Variants in SMIM14 observed in about 807,000 individuals in gnomAD.
SMIM14 encodes small integral membrane protein 14.
SMIM14 carries 5 observed loss-of-function variants against 12.6 expected under a neutral mutation model. The observed-to-expected ratio is 0.40, with a 90% CI of 0.21 to 0.83. SMIM14 has a LOEUF of 0.83. SMIM14 is among the 40% of genes least tolerant of loss of function. The pLI, the probability that SMIM14 is intolerant of heterozygous loss-of-function variation, is 0.37. For synonymous variants in SMIM14, 30 were observed against 40.1 expected (o/e 0.75, Z 0.95); for missense variants, 86 against 119.1 (o/e 0.72, Z 1.29).
At chr4:39,595,679 G>C (rs961537155) in intron 2 of SMIM14, among the ~76,000 whole-genome samples, 2 of 149,626 alleles carry the variant, frequency 1.3e-5, no homozygotes, top group Non-Finnish European at 2.9e-5. Flanking sequence ...CACAATCTTG[G>C]CTCACTTCAA....
chr4:39,614,320 T>C (rs758845131), intron 1 of SMIM14, among the ~76,000 whole-genome samples: 1 of 151,876 alleles, frequency 6.6e-6, no homozygotes, highest in Non-Finnish European at 1.5e-5. Context: ...GGAGTTCCTA[T>C]GCTACTTTTT....
intron 2 of SMIM14, among the ~76,000 whole-genome samples, chr4:39,595,780 T>G (rs1320625903): frequency 6.6e-6 from 1 of 151,452 alleles, no homozygotes; most frequent in Non-Finnish European, 1.5e-5. Flanking sequence ...GGCTAATTTT[T>G]TTTATTTTCG....
intron 1 of SMIM14, among the ~76,000 whole-genome samples, chr4:39,606,978 G>T (rs1714836881): frequency 6.6e-6 from 1 of 152,112 alleles, no homozygotes; most frequent in Non-Finnish European, 1.5e-5. Flanking sequence ...AAAGATTACT[G>T]AACTTGAAGA....
At chr4:39,606,207 A>C (rs1312412582) in intron 1 of SMIM14, among the ~76,000 whole-genome samples, 2 of 152,034 alleles carry the variant, frequency 1.3e-5, no homozygotes, top group Non-Finnish European at 2.9e-5. Context: ...TTAGCTGGGC[A>C]TGGTGGCACA....
rs144464602 is a variant in SMIM14 at position 39,549,113 on chromosome 4, C to G, written c.*3013G>C. ...AGGAGGCTGAGGAAGGAGAATCGCT[C>G]GAACCTGGGGGTGGATGTTGCAGTG... On this transcript the variant is annotated 3_prime_UTR_variant, in exon 5 of 5. Transcript: ENST00000295958. 1.3e-5 allele frequency: 2 copies of G among 152,118 alleles called. No individual in the cohort carries two copies. Among genetic ancestry groups the G allele is most frequent in the South Asian group, 4.2e-4 (2 of 4,818 alleles). The allele number at this position is 152,118 out of a possible 1,614,324, so 9.4% of individuals were successfully genotyped here. A position where few individuals can be genotyped will look rare whatever the true frequency, so the allele number is the denominator to read the frequency against.
intron 1 of SMIM14, among the ~76,000 whole-genome samples, chr4:39,628,141 G>A (rs922769673): frequency 1.4e-5 from 2 of 146,406 alleles, no homozygotes; most frequent in South Asian, 2.2e-4. Flanking sequence ...ACGCCGCCTC[G>A]ACTAAAAATA....
At chr4:39,603,557 T>A (rs1353574382) in intron 2 of SMIM14, among the ~76,000 whole-genome samples, 15 of 151,862 alleles carry the variant, frequency 9.9e-5, no homozygotes, top group Middle Eastern at 3.4e-3. Context: ...AGACTCCATC[T>A]CAAAAACAAT....
chr4:39,626,920 A>G (rs996493703), intron 1 of SMIM14, among the ~76,000 whole-genome samples: 4 of 152,088 alleles, frequency 2.6e-5, no homozygotes, highest in African/African-American at 9.7e-5. Context: ...ATGTGACCCT[A>G]TTTTCTCAGG....
intron 2 of SMIM14, among the ~76,000 whole-genome samples, chr4:39,573,858 G>T (rs1253616608): frequency 6.6e-6 from 1 of 152,102 alleles, no homozygotes; most frequent in African/African-American, 2.4e-5. Flanking sequence ...AGGAGCTGAA[G>T]TTTTCAATGT....
intron 2 of SMIM14, among the ~76,000 whole-genome samples, chr4:39,600,647 G>A (rs557618622): frequency 3.3e-5 from 5 of 152,164 alleles, no homozygotes; most frequent in East Asian, 1.9e-4. Flanking sequence ...CCGAGATGGC[G>A]CCATTGCACT....
At chr4:39,605,763 CAG>C (rs1046418215) in intron 1 of SMIM14, among the ~76,000 whole-genome samples, 13 of 152,154 alleles carry the variant, frequency 8.5e-5, no homozygotes, top group Non-Finnish European at 1.6e-4. Flanking sequence ...TGTTTTTAGA[CAG>C]AGTCTCGCTC....
At chr4:39,637,236 T>A (rs560319392) in intron 1 of SMIM14, among the ~76,000 whole-genome samples, 2 of 152,282 alleles carry the variant, frequency 1.3e-5, no homozygotes, top group South Asian at 4.2e-4. Flanking sequence ...TTTATCAACA[T>A]CTTCTCTATT....
chr4:39,598,039 G>A (rs1714446278), intron 2 of SMIM14, among the ~76,000 whole-genome samples: 1 of 152,230 alleles, frequency 6.6e-6, no homozygotes. Context: ...ATAGAGTTCA[G>A]GGTTTCCTTG....
intron 1 of SMIM14, among the ~76,000 whole-genome samples, chr4:39,610,013 CAG>C (rs1714966349): frequency 6.6e-6 from 1 of 152,156 alleles, no homozygotes; most frequent in Non-Finnish European, 1.5e-5. Context: ...AATTTTGAGA[CAG>C]TGTCTGGCTC....
At chr4:39,587,098 G>A (rs536836576) in intron 2 of SMIM14, among the ~76,000 whole-genome samples, 1 of 151,902 alleles carries the variant, frequency 6.6e-6, no homozygotes, top group Non-Finnish European at 1.5e-5. Flanking sequence ...TATGAATTTT[G>A]GGGGGAAGGT....
chr4:39,584,827 A>T (rs1365703448), intron 2 of SMIM14, among the ~76,000 whole-genome samples: 1 of 151,500 alleles, frequency 6.6e-6, no homozygotes, highest in Non-Finnish European at 1.5e-5. Context: ...AAGAAAAAAA[A>T]ATTTTTGTAA....
At chr4:39,559,763 G>A (rs577262835) in intron 3 of SMIM14, among the ~76,000 whole-genome samples, 1 of 152,202 alleles carries the variant, frequency 6.6e-6, no homozygotes, top group East Asian at 1.9e-4. Context: ...AGCTGAGCTG[G>A]CCTAAGAGCA....
chr4:39,633,919 T>C (rs548408922), intron 1 of SMIM14, among the ~76,000 whole-genome samples: 2 of 152,304 alleles, frequency 1.3e-5, no homozygotes, highest in East Asian at 1.9e-4. Context: ...CTAGGAGTCT[T>C]TGCAGAATGT....
At position 39,628,149 on chromosome 4, in the gene SMIM14, A is replaced by G. The variant is rs541776062; in HGVS notation, c.-36+10590T>C. On this transcript the variant is annotated intron_variant, in intron 1 of 4. Coordinates refer to ENST00000295958, the MANE Select transcript of SMIM14 (RefSeq NM_174921.3). ...TGGTGAAACGCCGCCTCGACTAAAAATACAAAAATTAGCCAGGTGTGGCGG... is the reference window on the plus strand; with the variant it reads ...TGGTGAAACGCCGCCTCGACTAAAAGTACAAAAATTAGCCAGGTGTGGCGG... Among the ~76,000 whole-genome samples, 7 of 151,918 alleles carry G rather than the reference A, an allele frequency of 4.6e-5. No homozygotes were observed. In the South Asian group the frequency reaches 1.5e-3, roughly 32 times the overall value.
Sources: allele counts gnomAD v4.1 joint callset (sites outside exome capture counted in the v4.1 genomes callset), GRCh38; gene constraint gnomAD v4.1.1; transcripts MANE v1.5; gene names NCBI Gene and HGNC (gene_info 2026-07-23, HGNC 2026-07-21).